The following RAB1A variants were observed in gnomAD, a reference collection of about 807,000 sequenced individuals.
RAB1A encodes ras-related protein Rab-1A.
RAB1A carries 2 observed loss-of-function variants against 26.0 expected under a neutral mutation model. The observed-to-expected ratio is 0.08, with a 90% confidence interval of 0.03 to 0.24. RAB1A has a LOEUF of 0.24. Ranked by LOEUF, RAB1A falls within the 10% of genes least tolerant of loss-of-function variation. RAB1A has a pLI of 1.00. For missense variants in RAB1A, 100 were observed against 247.0 expected (o/e 0.40, Z 3.99); for synonymous variants, 84 against 84.9 (o/e 0.99, Z 0.06).
At chr2:65,104,600 T>A (rs1449441817) in intron 2 of RAB1A, 134 bp downstream of exon 2, 26 of 682,598 alleles carry the variant, frequency 3.8e-5, no homozygotes, top group Non-Finnish European at 6.2e-5. Context: ...GGATGTATAT[T>A]TGGAGTCTTT....
chr2:65,110,353 A>G lies in RAB1A; in HGVS notation c.24-5547T>C, dbSNP rs186963258. On this transcript the variant is annotated intron_variant, in intron 1 of 5. Transcript: ENST00000409784. ...CTACTCAGGAGGCTGAGGCAGGAGA[A>G]TCGCTTGAACCCGGGAGGTGGAGGT... 4.6e-3 allele frequency among the ~76,000 whole-genome samples: 702 copies of G among 151,602 alleles called. 5 individuals carry two copies. Among genetic ancestry groups the G allele is most frequent in the Middle Eastern group, 0.01 (3 of 292 alleles).
At chr2:65,095,954 C>A (rs971763947) in intron 3 of RAB1A, among the ~76,000 whole-genome samples, 1 of 152,014 alleles carries the variant, frequency 6.6e-6, no homozygotes, top group African/African-American at 2.4e-5. Context: ...GAGTTCGAGA[C>A]CAGCCTAACC....
chr2:65,107,683 A>G (rs1669593451), intron 1 of RAB1A, among the ~76,000 whole-genome samples: 1 of 152,034 alleles, frequency 6.6e-6, no homozygotes, highest in Non-Finnish European at 1.5e-5. Context: ...CAATGTACCA[A>G]TCTCCCTGAA....
Position 65,115,515 on chromosome 2 carries a change from T to C in RAB1A, c.24-10709A>G, listed in dbSNP as rs190691815. Among the ~76,000 whole-genome samples, 329 of 152,320 alleles carry C rather than the reference T, an allele frequency of 2.2e-3. 1 individual carries two copies. Among genetic ancestry groups the C allele is most frequent in the Non-Finnish European group, 3.9e-3 (264 of 68,026 alleles). Reference sequence around the variant, plus strand: ...GCTGGAGACAAGAGGTAAGAACTTTTAGTTAGTTCATATGCTTCTGTACTG... The same window carrying C: ...GCTGGAGACAAGAGGTAAGAACTTTCAGTTAGTTCATATGCTTCTGTACTG... On this transcript the variant is annotated intron_variant, in intron 1 of 5. Transcript: ENST00000409784.
chr2:65,096,652 T>C (rs1448186673), intron 3 of RAB1A, among the ~76,000 whole-genome samples: 1 of 152,202 alleles, frequency 6.6e-6, no homozygotes, highest in Admixed American at 6.5e-5. Flanking sequence ...TGTTCACTGA[T>C]TGAAAGTATT....
At chr2:65,108,257 G>A (rs1191520803) in intron 1 of RAB1A, among the ~76,000 whole-genome samples, 1 of 151,168 alleles carries the variant, frequency 6.6e-6, no homozygotes, top group Non-Finnish European at 1.5e-5. Context: ...AGCTACTCGG[G>A]AGGCTGAGGC....
chr2:65,099,903 A>C (rs979332033), intron 2 of RAB1A, among the ~76,000 whole-genome samples: 2 of 152,244 alleles, frequency 1.3e-5, no homozygotes, highest in Non-Finnish European at 2.9e-5. Context: ...GGACATCACA[A>C]GGAAGCAAAA....
intron 2 of RAB1A, among the ~76,000 whole-genome samples, chr2:65,099,485 G>T (rs559290191): frequency 6.6e-6 from 1 of 152,170 alleles, no homozygotes; most frequent in Non-Finnish European, 1.5e-5. Flanking sequence ...GACCTTAATC[G>T]AATCAGGTCT....
intron 1 of RAB1A, among the ~76,000 whole-genome samples, chr2:65,111,655 C>T (rs1669697323): frequency 6.6e-6 from 1 of 152,040 alleles, no homozygotes; most frequent in Non-Finnish European, 1.5e-5. Flanking sequence ...ACAAATGTAC[C>T]ATGTATGTAA....
intron 1 of RAB1A, among the ~76,000 whole-genome samples, chr2:65,117,586 A>T (rs1669854185): frequency 6.6e-6 from 1 of 152,104 alleles, no homozygotes; most frequent in African/African-American, 2.4e-5. Flanking sequence ...TTTGTGTGTG[A>T]GATAGGCTCT....
Position 65,088,478 on chromosome 2 carries a change from G to C in RAB1A, c.*15C>G. On this transcript the variant is annotated 3_prime_UTR_variant, in exon 6 of 6. Coordinates refer to ENST00000409784, the MANE Select transcript of RAB1A (RefSeq NM_004161.5). Reference sequence around the variant, plus strand: ...TTGCAAATTCATTGCTGTGAGAAAAGGATGGAGGCAAATTTTAGCAGCAAC... The same window carrying C: ...TTGCAAATTCATTGCTGTGAGAAAACGATGGAGGCAAATTTTAGCAGCAAC... 1 of 1,588,184 alleles carries C rather than the reference G, an allele frequency of 6.3e-7. No homozygotes were observed. The highest frequency in any genetic ancestry group is 8.6e-7 in the Non-Finnish European group (1 of 1,167,404).
chr2:65,119,348 A>T (rs1006290040), intron 1 of RAB1A, among the ~76,000 whole-genome samples: 1 of 152,136 alleles, frequency 6.6e-6, no homozygotes, highest in Non-Finnish European at 1.5e-5. Context: ...TCTACTAAAA[A>T]TACACAAAAT....
intron 3 of RAB1A, among the ~76,000 whole-genome samples, chr2:65,094,872 C>G (rs1387085093): frequency 6.6e-6 from 1 of 151,970 alleles, no homozygotes; most frequent in Non-Finnish European, 1.5e-5. Context: ...AATATCATTA[C>G]AGGAAAGAAT....
In RAB1A at chr2:65,094,371, G is replaced by A. The variant is rs76651179; in HGVS notation, c.193-3293C>T. Reference sequence around the variant, plus strand: ...AGGCCAAGGCAGGCGGATCACCTGAGGTCGGGAGTTCGAGACCAGCGTGAC... The same window carrying A: ...AGGCCAAGGCAGGCGGATCACCTGAAGTCGGGAGTTCGAGACCAGCGTGAC... On this transcript the variant is annotated intron_variant, in intron 3 of 5. Transcript: ENST00000409784. Among the ~76,000 whole-genome samples the A allele has an allele frequency of 6.6e-5, 10 of 152,266 alleles. No homozygotes were observed. In the East Asian group the frequency reaches 1.7e-3, roughly 27 times the overall value.
intron 5 of RAB1A, 114 bp from the exon 6 acceptor site, chr2:65,088,804 A>G: frequency 2.3e-6 from 3 of 1,311,068 alleles, no homozygotes; most frequent in Non-Finnish European, 3.1e-6. Flanking sequence ...ATCCAAACAG[A>G]TGCTACACAA....
intron 1 of RAB1A, among the ~76,000 whole-genome samples, chr2:65,118,587 C>T (rs1428275400): frequency 6.6e-6 from 1 of 152,118 alleles, no homozygotes; most frequent in Non-Finnish European, 1.5e-5. Context: ...AAGCAGTTCT[C>T]CTGCCTCAGC....
intron 3 of RAB1A, among the ~76,000 whole-genome samples, chr2:65,092,049 C>A (rs547415475): frequency 1.3e-5 from 2 of 152,092 alleles, no homozygotes; most frequent in Admixed American, 6.5e-5. Flanking sequence ...CCGAGACGGG[C>A]GGATTACGAG....
intron 1 of RAB1A, chr2:65,114,233 A>C: frequency 8.5e-6 from 3 of 353,988 alleles, no homozygotes; most frequent in Non-Finnish European, 1.7e-5. Flanking sequence ...TACAAAAGAA[A>C]GCTGATTGAC....
intron 3 of RAB1A, among the ~76,000 whole-genome samples, chr2:65,097,524 C>T (rs1339528764): frequency 2.0e-5 from 3 of 152,166 alleles, no homozygotes; most frequent in Non-Finnish European, 4.4e-5. Context: ...AGAGTTGGTG[C>T]ACACTATCTA....
Sources: gnomAD v4.1 joint callset for allele counts (sites outside exome capture counted in the v4.1 genomes callset) on GRCh38, gnomAD v4.1.1 for gene constraint, MANE v1.5 for transcripts, NCBI Gene and HGNC (gene_info 2026-07-23, HGNC 2026-07-21) for gene names.